The following IL1RAPL1 variants were observed in gnomAD, a reference collection of about 807,000 sequenced individuals.
IL1RAPL1 encodes interleukin-1 receptor accessory protein-like 1.
A neutral mutation model predicts 48.4 loss-of-function variants in IL1RAPL1; 3 were observed. The observed-to-expected ratio is 0.06, with a 90% CI of 0.03 to 0.16. The LOEUF is 0.16. IL1RAPL1 is among the 10% of genes least tolerant of loss of function. The pLI, the probability that IL1RAPL1 is intolerant of heterozygous loss-of-function variation, is 1.00. For missense variants in IL1RAPL1, 349 were observed against 530.6 expected (o/e 0.66, Z 3.36); for synonymous variants, 185 against 187.7 (o/e 0.99, Z 0.12).
At chrX:29,209,804 C>A (rs1367982832) in intron 2 of IL1RAPL1, among the ~76,000 whole-genome samples, 3 of 112,213 alleles carry the variant, frequency 2.7e-5, no homozygotes, top group Non-Finnish European at 5.6e-5. Context: ...CTTAATTTGA[C>A]TAAGTAGTAA....
At chrX:29,615,613 G>C (rs1317524196) in intron 5 of IL1RAPL1, among the ~76,000 whole-genome samples, 1 of 110,760 alleles carries the variant, frequency 9.0e-6, no homozygotes. Flanking sequence ...AGTAGGATTT[G>C]TCTCACGGAG....
In IL1RAPL1 at chrX:29,209,839, G is replaced by A. The variant is rs183091689; in HGVS notation, c.83-73099G>A. 8.9e-5 allele frequency among the ~76,000 whole-genome samples: 10 copies of A among 112,221 alleles called. No individual in the cohort carries two copies. The East Asian group carries it at 2.8e-3, about 31-fold the overall frequency. Reference sequence around the variant, plus strand: ...ACAGATGGATAGGCAGATTGCTGCTGCTGTCTACCCTACCACCAGTAGAGC... The same window carrying A: ...ACAGATGGATAGGCAGATTGCTGCTACTGTCTACCCTACCACCAGTAGAGC... On this transcript the variant is annotated intron_variant, in intron 2 of 10. Transcript: ENST00000378993.
intron 5 of IL1RAPL1, among the ~76,000 whole-genome samples, chrX:29,493,895 G>C (rs1935185153): frequency 9.1e-6 from 1 of 110,337 alleles, no homozygotes; most frequent in Non-Finnish European, 1.9e-5. Context: ...CGAATTCAAT[G>C]CTTAGTATCA....
rs1233728609 is a variant in IL1RAPL1 at position 29,008,255 on chromosome X, C to T, written c.82+218830C>T. 8.2e-5 allele frequency among the ~76,000 whole-genome samples: 9 copies of T among 110,366 alleles called. No individual in the cohort carries two copies. The South Asian group carries it at 1.2e-3, about 15-fold the overall frequency. On this transcript the variant is annotated intron_variant, in intron 2 of 10. Transcript: ENST00000378993. The stretch of plus-strand genomic sequence containing the variant: ...CGTGATCTCGGCTCACTGCAAGCTC[C>T]GCCTCCCGGGTTCACACCATTCTCC...
At chrX:29,942,745 G>A (rs1202830914) in intron 9 of IL1RAPL1, among the ~76,000 whole-genome samples, 1 of 108,960 alleles carries the variant, frequency 9.2e-6, no homozygotes, top group East Asian at 2.9e-4. Flanking sequence ...TCAACCTCCC[G>A]AGTAGCTGGG....
chrX:29,651,023 A>G (rs925122745), intron 5 of IL1RAPL1, among the ~76,000 whole-genome samples: 2 of 110,565 alleles, frequency 1.8e-5, no homozygotes, highest in East Asian at 2.8e-4. Flanking sequence ...ACGTCAAAAA[A>G]TGTTCACCAT....
intron 2 of IL1RAPL1, among the ~76,000 whole-genome samples, chrX:28,983,164 A>G (rs983654344): frequency 1.8e-5 from 2 of 112,134 alleles, no homozygotes; most frequent in Non-Finnish European, 3.8e-5. Flanking sequence ...CCATCTCTCT[A>G]TCCACATTTG....
chrX:28,605,576 T>C (rs1477567645), intron 1 of IL1RAPL1, among the ~76,000 whole-genome samples: 1 of 111,815 alleles, frequency 8.9e-6, no homozygotes, highest in African/African-American at 3.3e-5. Context: ...CCAAACTGAC[T>C]CTATGCCTCT....
intron 6 of IL1RAPL1, among the ~76,000 whole-genome samples, chrX:29,888,390 A>C (rs1397374456): frequency 9.1e-6 from 1 of 109,413 alleles, no homozygotes; most frequent in East Asian, 2.9e-4. Flanking sequence ...CACTTGGCTA[A>C]TTTTTGTATT....
At chrX:29,827,119 C>T (rs1241271081) in intron 6 of IL1RAPL1, among the ~76,000 whole-genome samples, 4 of 111,980 alleles carry the variant, frequency 3.6e-5, no homozygotes, top group Non-Finnish European at 7.5e-5. Context: ...TGATGTTGAA[C>T]GTAGTTTTGC....
At chrX:29,126,286 T>C (rs1189371528) in intron 2 of IL1RAPL1, among the ~76,000 whole-genome samples, 2 of 112,050 alleles carry the variant, frequency 1.8e-5, no homozygotes, top group Non-Finnish European at 3.8e-5. Flanking sequence ...AAAAGTTTGA[T>C]TATAACCACT....
intron 5 of IL1RAPL1, among the ~76,000 whole-genome samples, chrX:29,599,715 TG>T (rs1388316508): frequency 8.9e-6 from 1 of 112,405 alleles, no homozygotes; most frequent in East Asian, 2.8e-4. Context: ...TTCTCTTTTT[TG>T]AAATTCTTTT....
intron 2 of IL1RAPL1, among the ~76,000 whole-genome samples, chrX:29,104,763 C>CA (rs11312261): frequency 3.7e-5 from 4 of 108,145 alleles, no homozygotes; most frequent in Non-Finnish European, 7.7e-5. Context: ...TATGTACCCA[C>CA]AAAAAAAAAT....
intron 6 of IL1RAPL1, among the ~76,000 whole-genome samples, chrX:29,724,973 T>C (rs1248980342): frequency 9.0e-6 from 1 of 111,386 alleles, no homozygotes; most frequent in East Asian, 2.8e-4. Context: ...CCTCAAGAGC[T>C]TTTTTCCTGG....
Position 29,848,684 on chromosome X carries a change from G to A in IL1RAPL1, c.779-68780G>A, listed in dbSNP as rs991686663. 4.5e-5 allele frequency among the ~76,000 whole-genome samples: 5 copies of A among 111,720 alleles called. No individual in the cohort carries two copies. The East Asian group carries it at 1.4e-3, about 32-fold the overall frequency. ...AATCAAGTGTGATAGAAATTATGAT[G>A]GAATGCAGACTGGACTACTGTCAAG... is the stretch of plus-strand genomic sequence containing the variant. On this transcript the variant is annotated intron_variant, in intron 6 of 10. Coordinates refer to ENST00000378993, the MANE Select transcript of IL1RAPL1 (RefSeq NM_014271.4).
At chrX:29,549,549 C>A (rs754394535) in intron 5 of IL1RAPL1, among the ~76,000 whole-genome samples, 26 of 111,888 alleles carry the variant, frequency 2.3e-4, no homozygotes, top group Non-Finnish European at 4.5e-4. Context: ...GGCTTCAATA[C>A]TGTCTGCAGT....
At chrX:29,095,356 T>G (rs1928191605) in intron 2 of IL1RAPL1, among the ~76,000 whole-genome samples, 1 of 111,310 alleles carries the variant, frequency 9.0e-6, no homozygotes, top group Non-Finnish European at 1.9e-5. Context: ...CTTAATAGTT[T>G]TACATTGCTA....
intron 2 of IL1RAPL1, among the ~76,000 whole-genome samples, chrX:29,243,373 C>G (rs775274409): frequency 3.2e-4 from 36 of 111,881 alleles, no homozygotes; most frequent in African/African-American, 1.2e-3. Flanking sequence ...CGGTGAAATT[C>G]ACTGGCACCA....
chrX:28,999,962 TC>T (rs1925811744), intron 2 of IL1RAPL1, among the ~76,000 whole-genome samples: 1 of 111,407 alleles, frequency 9.0e-6, no homozygotes, highest in Non-Finnish European at 1.9e-5. Context: ...ATTCCCCGGC[TC>T]CTCCAGAGTA....
Sources: allele counts gnomAD v4.1 joint callset (sites outside exome capture counted in the v4.1 genomes callset), GRCh38; gene constraint gnomAD v4.1.1; transcripts MANE v1.5; gene names NCBI Gene and HGNC (gene_info 2026-07-23, HGNC 2026-07-21).